The following DENND3 variants were observed in gnomAD, a reference collection of about 807,000 sequenced individuals.
The protein encoded by DENND3 is DENN domain containing 3.
A neutral mutation model predicts 135.1 loss-of-function variants in DENND3; 88 were observed. That is an observed-to-expected ratio of 0.65 (90% CI 0.55 to 0.78). DENND3 has a LOEUF of 0.78. Ranked by LOEUF, DENND3 falls within the 30% of genes least tolerant of loss-of-function variation. The pLI is 0.00. For missense variants in DENND3, 1,392 were observed against 1,688.4 expected, an observed-to-expected ratio of 0.82 and a Z score of 3.08; for synonymous variants, 693 against 712.3, an observed-to-expected ratio of 0.97 and a Z score of 0.43.
At position 141,130,492 on chromosome 8, in the gene DENND3, G is replaced by A. The variant is rs950759271; in HGVS notation, c.102+1683G>A. Among the ~76,000 whole-genome samples the A allele has an allele frequency of 2.0e-5, 3 of 152,100 alleles. No homozygotes were observed. Among genetic ancestry groups the A allele is most frequent in the Non-Finnish European group, 4.4e-5 (3 of 68,016 alleles). ...CCTCTTTACTCTGTCTTTTGATTCT[G>A]TTAGGGGTTTGGCAAAGGGTGGAGA... On this transcript the variant is annotated intron_variant, in intron 1 of 22. Transcript: ENST00000519811. This position sits in a 1 kb window ranked among gnomAD's most constrained non-coding sequence, Gnocchi z 4.2.
At position 141,182,060 on chromosome 8, in the gene DENND3, C is replaced by T. The variant is rs568433032; in HGVS notation, c.2944+1206C>T. Among the ~76,000 whole-genome samples the T allele has an allele frequency of 1.2e-4, 18 of 152,280 alleles. No individual in the cohort carries two copies. Among genetic ancestry groups the T allele is most frequent in the East Asian group, 7.7e-4 (4 of 5,186 alleles). Reference sequence around the variant, plus strand: ...ACCTCTCCACCTTGGCCTCCCGAAGCGCTGGGATTACAGGTGTGAGCCACT... The same window carrying T: ...ACCTCTCCACCTTGGCCTCCCGAAGTGCTGGGATTACAGGTGTGAGCCACT... On this transcript the variant is annotated intron_variant, in intron 17 of 22. Transcript: ENST00000519811. This position sits in a 1 kb window ranked among gnomAD's most constrained non-coding sequence, Gnocchi z 5.9.
intron 10 of DENND3, among the ~76,000 whole-genome samples, chr8:141,164,261 G>A (rs934421726): frequency 6.6e-6 from 1 of 152,206 alleles, no homozygotes; most frequent in Admixed American, 6.5e-5. Context: ...GACAGAGTGC[G>A]CTTTGTTCTT....
At chr8:141,160,405 C>G (rs1474217424) in intron 8 of DENND3, among the ~76,000 whole-genome samples, 1 of 152,086 alleles carries the variant, frequency 6.6e-6, no homozygotes, top group Non-Finnish European at 1.5e-5. Context: ...TCTTGAACTC[C>G]CTGACCTCAG....
intron 11 of DENND3, among the ~76,000 whole-genome samples, 194 bp downstream of exon 11, chr8:141,165,483 A>G (rs1204149778): frequency 1.5e-5 from 2 of 136,550 alleles, no homozygotes; most frequent in Non-Finnish European, 3.1e-5. Flanking sequence ...TTTTTTTTTG[A>G]GACGGAGTCT....
At chr8:141,160,598 G>C in intron 8 of DENND3, 34 bp from the exon 9 acceptor site, 1 of 1,567,426 alleles carries the variant, frequency 6.4e-7, no homozygotes, top group Non-Finnish European at 8.7e-7. Context: ...CAGTGCTGCT[G>C]GGGCTGAGCT....
chr8:141,156,912 C>A (rs753391863), intron 8 of DENND3, among the ~76,000 whole-genome samples: 1 of 151,698 alleles, frequency 6.6e-6, no homozygotes, highest in Non-Finnish European at 1.5e-5. Context: ...CTGCCTCAGC[C>A]TCCCGAGTAG....
intron 7 of DENND3, among the ~76,000 whole-genome samples, chr8:141,153,439 C>T (rs545938690): frequency 2.0e-5 from 3 of 152,348 alleles, no homozygotes; most frequent in South Asian, 2.1e-4. Flanking sequence ...AAGAACACAG[C>T]GTGTGTCATG....
intron 3 of DENND3, among the ~76,000 whole-genome samples, chr8:141,140,937 T>A (rs1222062499): frequency 6.6e-6 from 1 of 152,220 alleles, no homozygotes; most frequent in African/African-American, 2.4e-5. Context: ...TCTAATCGTG[T>A]GTTCCTTTTT....
chr8:141,155,042 C>T (rs1406845074), intron 7 of DENND3, among the ~76,000 whole-genome samples: 1 of 152,168 alleles, frequency 6.6e-6, no homozygotes, highest in Non-Finnish European at 1.5e-5. Flanking sequence ...AAATGCTGTT[C>T]GTGAATCCAC....
At chr8:141,145,820 TATATATATATA>T (rs1817972020) in intron 5 of DENND3, among the ~76,000 whole-genome samples, 3 of 36,616 alleles carry the variant, frequency 8.2e-5, no homozygotes, top group African/African-American at 3.1e-4. Context: ...TATATATATA[TATATATATATA>T]TATATATATA....
At chr8:141,129,040 C>T (rs1174685514) in intron 1 of DENND3, among the ~76,000 whole-genome samples, 5 of 152,222 alleles carry the variant, frequency 3.3e-5, no homozygotes, top group Non-Finnish European at 7.3e-5. Context: ...TCTCCCCGCC[C>T]GGGGCCCTTG....
intron 17 of DENND3, chr8:141,184,898 T>C: frequency 2.3e-6 from 1 of 444,356 alleles, no homozygotes; most frequent in Non-Finnish European, 4.0e-6. Flanking sequence ...CATTCGGCTC[T>C]GCATCTGCCT....
At chr8:141,187,944 T>TG (rs1304583438) in intron 18 of DENND3, among the ~76,000 whole-genome samples, 2 of 152,156 alleles carry the variant, frequency 1.3e-5, no homozygotes, top group African/African-American at 2.4e-5. Context: ...CCCAGCACTT[T>TG]GGGGGGCCGA....
At position 141,194,493 on chromosome 8, in the gene DENND3, A is replaced by G; in HGVS notation, c.*260A>G. 2.0e-6 allele frequency: 1 copy of G among 508,980 alleles called. No individual in the cohort carries two copies. Among genetic ancestry groups the G allele is most frequent in the South Asian group, 2.4e-5 (1 of 41,650 alleles). The allele number at this position is 508,980 out of a possible 1,614,324, so 31.5% of individuals were successfully genotyped here. Reference sequence around the variant, plus strand: ...GGCAGGCAGCTGCGTCTTGTTGGTGATAACCTCTGCTGGGAGGTTACTTTG... The same window carrying G: ...GGCAGGCAGCTGCGTCTTGTTGGTGGTAACCTCTGCTGGGAGGTTACTTTG... On this transcript the variant is annotated 3_prime_UTR_variant, in exon 23 of 23. Coordinates refer to ENST00000519811, the MANE Select transcript of DENND3 (RefSeq NM_001352890.3).
At position 141,167,912 on chromosome 8, in the gene DENND3, A is replaced by T. The variant is rs1821014685; in HGVS notation, c.1754-92A>T. 6.7e-7 allele frequency: 1 copy of T among 1,499,138 alleles called. No homozygotes were observed. Among genetic ancestry groups the T allele is most frequent in the Non-Finnish European group, 9.0e-7 (1 of 1,113,576 alleles). 92.9% of individuals were successfully genotyped at this position (1,499,138 alleles called of 1,614,324 possible). A position where few individuals can be genotyped will look rare whatever the true frequency, so the allele number is the denominator to read the frequency against. On this transcript the variant is annotated intron_variant, in intron 12 of 22. Coordinates refer to ENST00000519811, the MANE Select transcript of DENND3 (RefSeq NM_001352890.3). The surrounding 1 kb of genome is among the most constrained non-coding windows in gnomAD (Gnocchi z 4.1). ...TTCTCATTTTATTTTGCATCCAGAG[A>T]AACATTGTCCTTGACAAGATGATGT...
In DENND3 at chr8:141,158,654, A is replaced by G. The variant is rs1476219996; in HGVS notation, c.1197-1978A>G. On this transcript the variant is annotated intron_variant, in intron 8 of 22. Transcript: ENST00000519811. The stretch of plus-strand genomic sequence containing the variant: ...GTGCCTGCTCAAGGGGCTCTGGAGT[A>G]CAATATGCATCTCTCTGCACGTGAG... Among the ~76,000 whole-genome samples, 6 of 152,214 alleles carry G rather than the reference A, an allele frequency of 3.9e-5. No homozygotes were observed. In the South Asian group the frequency reaches 1.2e-3, roughly 32 times the overall value.
intron 18 of DENND3, chr8:141,188,688 G>GA: frequency 5.9e-6 from 2 of 337,504 alleles, no homozygotes; most frequent in South Asian, 1.0e-4. Context: ...ATGCATGTGT[G>GA]AGATGAGCTT....
chr8:141,150,655 C>T (rs371991116), intron 5 of DENND3, among the ~76,000 whole-genome samples, 179 bp from the exon 6 acceptor site: 15 of 152,340 alleles, frequency 9.8e-5, no homozygotes, highest in South Asian at 6.2e-4. Context: ...GAGCCTTTAT[C>T]GGCAGTTCTG....
rs754783249 is a variant in DENND3 at position 141,160,719 on chromosome 8, G to T, written c.1284G>T (p.Arg428=). 7.4e-6 allele frequency: 12 copies of T among 1,613,226 alleles called. No homozygotes were observed. The highest frequency in any genetic ancestry group is 1.7e-4 in the Middle Eastern group (1 of 6,046). The change falls in exon 9 of 23, where the codon CGG becomes CGT. Residue 428 remains arginine (R), a synonymous_variant. Coordinates refer to ENST00000519811, the MANE Select transcript of DENND3 (RefSeq NM_001352890.3). ...TGAAGGAGGGCCGAGCCCACCGGCG[G>T]TCCTGGCAGCAGAAACTCAACTGCC... ...TDLKEGRAHR[R]SWQQKLNCQI... is the part of the protein sequence containing the mutation.
Sources: allele counts gnomAD v4.1 joint callset (sites outside exome capture counted in the v4.1 genomes callset), GRCh38; gene constraint gnomAD v4.1.1; non-coding constraint Gnocchi (gnomAD v3.1); transcripts MANE v1.5; gene names NCBI Gene and HGNC (gene_info 2026-07-23, HGNC 2026-07-21).